KCNK10: variants seen among roughly 807,000 people sequenced by gnomAD.
The protein encoded by KCNK10 is potassium channel subfamily K member 10.
A neutral mutation model predicts 47.7 loss-of-function variants in KCNK10; 25 were observed. That is an observed-to-expected ratio of 0.52 (90% CI 0.38 to 0.73). The LOEUF is 0.73. Ranked by LOEUF, KCNK10 falls within the 30% of genes least tolerant of loss-of-function variation. KCNK10 has a pLI of 0.00. For missense variants in KCNK10, 563 were observed against 714.5 expected (o/e 0.79, Z 2.42); for synonymous variants, 303 against 285.6 (o/e 1.06, Z -0.61).
At chr14:88,326,489 C>G (rs777615278), upstream of KCNK10, 1 of 1,578,348 alleles carries the variant, frequency 6.3e-7, no homozygotes, top group Non-Finnish European at 8.7e-7. Context: ...GGTTCTGTCT[C>G]CCTCTGTGCC....
chr14:88,214,825 T>G (rs1885568833), intron 4 of KCNK10, among the ~76,000 whole-genome samples: 2 of 152,218 alleles, frequency 1.3e-5, no homozygotes, highest in Non-Finnish European at 1.5e-5. Context: ...AGGCCCAATA[T>G]CTTTCTCTCA....
chr14:88,214,182 G>A (rs185387785), intron 4 of KCNK10, among the ~76,000 whole-genome samples: 50 of 151,870 alleles, frequency 3.3e-4, no homozygotes, highest in African/African-American at 9.7e-4. Flanking sequence ...CAGGTGATCC[G>A]CCCACCTCAG....
At chr14:88,244,376 A>T (rs1330444444) in intron 2 of KCNK10, among the ~76,000 whole-genome samples, 2 of 152,214 alleles carry the variant, frequency 1.3e-5, no homozygotes, top group Admixed American at 1.3e-4. Context: ...TTTGCTTTTA[A>T]GATTTTTCTC....
rs768888919 is a variant in KCNK10, at chr14:88,227,360, T to C, written c.681+15A>G. 7 of 1,583,992 alleles carry C rather than the reference T, an allele frequency of 4.4e-6. No homozygotes were observed. In the South Asian group the frequency reaches 5.9e-5, roughly 13 times the overall value. On this transcript the variant is annotated intron_variant, in intron 4 of 6. Transcript: ENST00000319231. ...GATCACAGTGGTTAGAATTTAAATA[T>C]GACACAGTACTCACTCGAAAGACCT...
chr14:88,268,238 G>C (rs958806508), intron 1 of KCNK10, among the ~76,000 whole-genome samples: 2 of 152,206 alleles, frequency 1.3e-5, no homozygotes, highest in African/African-American at 4.8e-5. Context: ...GTGTCTCCCA[G>C]AAACAATCCT....
At chr14:88,299,389 C>T (rs548610231) in intron 1 of KCNK10, among the ~76,000 whole-genome samples, 1 of 152,328 alleles carries the variant, frequency 6.6e-6, no homozygotes, top group East Asian at 1.9e-4. Flanking sequence ...GTGCCATTCT[C>T]TCTCTGCTTT....
At chr14:88,210,577 A>G (rs1457315098) in intron 4 of KCNK10, among the ~76,000 whole-genome samples, 1 of 152,180 alleles carries the variant, frequency 6.6e-6, no homozygotes. Context: ...GCACTGAGCC[A>G]CCCGTCCTCC....
rs144436360 is a variant in KCNK10 at position 88,260,232 on chromosome 14, C to T, written c.402+2970G>A. On this transcript the variant is annotated intron_variant, in intron 2 of 6. Coordinates refer to ENST00000319231, the MANE Select transcript of KCNK10 (RefSeq NM_138317.3). The surrounding 1 kb of genome is among the most constrained non-coding windows in gnomAD (Gnocchi z 4.5). ...TGCTGGGATTACAGGTGTAAGCCAC[C>T]GCGCCAGGCCAAGATATGGTTGTTT... Among the ~76,000 whole-genome samples, 3,542 of 152,214 alleles carry T rather than the reference C, an allele frequency of 0.023. 61 individuals carry two copies. Among genetic ancestry groups the T allele is most frequent in the Non-Finnish European group, 0.03 (2,062 of 68,010 alleles).
intron 1 of KCNK10, among the ~76,000 whole-genome samples, chr14:88,279,907 T>G (rs148504161): frequency 6.6e-6 from 1 of 150,392 alleles, no homozygotes; most frequent in Admixed American, 6.7e-5. Flanking sequence ...GATGGGTTTA[T>G]CAGGGGTTTC....
chr14:88,283,253 A>G (rs543142434), intron 1 of KCNK10, among the ~76,000 whole-genome samples: 2 of 152,354 alleles, frequency 1.3e-5, no homozygotes, highest in South Asian at 4.1e-4. Flanking sequence ...TCAGTCAAGA[A>G]AACCCAAGAG....
intron 4 of KCNK10, among the ~76,000 whole-genome samples, chr14:88,216,192 C>G (rs1296828047): frequency 2.0e-5 from 3 of 152,162 alleles, no homozygotes; most frequent in African/African-American, 7.2e-5. Flanking sequence ...AAGGACCCAT[C>G]TGAAGGAGGA....
chr14:88,252,673 C>T (rs1461557985), intron 2 of KCNK10, among the ~76,000 whole-genome samples: 1 of 152,204 alleles, frequency 6.6e-6, no homozygotes, highest in Non-Finnish European at 1.5e-5. Context: ...CCGCTGCCCA[C>T]ATCTTAGACT....
At chr14:88,295,898 C>A (rs1417756982) in intron 1 of KCNK10, among the ~76,000 whole-genome samples, 1 of 152,136 alleles carries the variant, frequency 6.6e-6, no homozygotes, top group Non-Finnish European at 1.5e-5. Context: ...GTCTTAACTA[C>A]AACAGCACTT....
Position 88,235,031 on chromosome 14 carries a change from C to T in KCNK10, c.520+5672G>A, listed in dbSNP as rs549857472. The T allele has an allele frequency of 2.7e-5, 12 of 448,714 alleles. No individual in the cohort carries two copies. The East Asian group carries it at 5.6e-4, about 21-fold the overall frequency. 27.8% of individuals were successfully genotyped at this position (448,714 alleles called of 1,614,324 possible). On this transcript the variant is annotated intron_variant, in intron 3 of 6. Coordinates refer to ENST00000319231, the MANE Select transcript of KCNK10 (RefSeq NM_138317.3). ...TCAAAAGAGATGTCCCTGTTTTTAC[C>T]AAGCATGAAACATAGGATAAAGAGG... is the stretch of plus-strand genomic sequence containing the variant.
chr14:88,277,384 G>C (rs957660452), intron 1 of KCNK10, among the ~76,000 whole-genome samples: 2 of 152,168 alleles, frequency 1.3e-5, no homozygotes, highest in Non-Finnish European at 2.9e-5. Context: ...CTCCTCTAAT[G>C]CATATCAGTG....
chr14:88,227,338 C>G, intron 4 of KCNK10, 37 bp downstream of exon 4: 1 of 1,542,860 alleles, frequency 6.5e-7, no homozygotes, highest in South Asian at 1.3e-5. Flanking sequence ...CCAACTGGAT[C>G]ACAGTGGTTA....
intron 3 of KCNK10, among the ~76,000 whole-genome samples, chr14:88,238,233 T>C (rs149632045): frequency 1.1e-3 from 167 of 152,378 alleles, no homozygotes; most frequent in African/African-American, 3.8e-3. Context: ...TGCTCTGAAT[T>C]AGATTTTGGC....
At position 88,184,566 on chromosome 14, in the gene KCNK10, A is replaced by G. The variant is rs1316046178; in HGVS notation, c.*969T>C. The G allele has an allele frequency of 6.6e-6, 1 of 152,346 alleles. No homozygotes were observed. Among genetic ancestry groups the G allele is most frequent in the Non-Finnish European group, 1.5e-5 (1 of 68,028 alleles). 9.4% of individuals were successfully genotyped at this position (152,346 alleles called of 1,614,324 possible). ...CCTCCTCAGTGTGTCTCAGAAATGC[A>G]GGATGTCTACTTTTGTAAAAATGTA... On this transcript the variant is annotated 3_prime_UTR_variant, in exon 7 of 7. Transcript: ENST00000319231.
intron 3 of KCNK10, among the ~76,000 whole-genome samples, chr14:88,232,646 AAAAG>A (rs749534556): frequency 1.7e-4 from 26 of 152,372 alleles, no homozygotes; most frequent in Non-Finnish European, 2.2e-4. Flanking sequence ...TTTTTCAATT[AAAAG>A]AAAGAAAGAG....
Sources: gnomAD v4.1 joint callset for allele counts (sites outside exome capture counted in the v4.1 genomes callset) on GRCh38, gnomAD v4.1.1 for gene constraint, Gnocchi (gnomAD v3.1) non-coding constraint, MANE v1.5 for transcripts, NCBI Gene and HGNC (gene_info 2026-07-23, HGNC 2026-07-21) for gene names.